Variants in FAM81B observed in about 807,000 individuals in gnomAD.
FAM81B encodes the protein family with sequence similarity 81 member B.
FAM81B carries 60 observed loss-of-function variants against 58.7 expected under a neutral mutation model. That is an observed-to-expected ratio of 1.02 (90% confidence interval 0.83 to 1.27). FAM81B has a LOEUF of 1.27. Ranked by LOEUF, FAM81B falls within the 50% of genes most tolerant of loss-of-function variation. The probability of loss-of-function intolerance (pLI) is 0.00; values close to 1 mark genes in which losing one functional copy is unlikely to be tolerated. For synonymous variants in FAM81B, 189 were observed against 179.6 expected, an observed-to-expected ratio of 1.05 and a Z score of -0.42; for missense variants, 491 against 522.0, an observed-to-expected ratio of 0.94 and a Z score of 0.58.
At chr5:95,440,728 AC>A in intron 7 of FAM81B, 1 of 482,276 alleles carries the variant, frequency 2.1e-6, no homozygotes, top group Non-Finnish European at 3.3e-6. Context: ...ATTTAGTACA[AC>A]TGGGAACCAT....
At position 95,393,478 on chromosome 5, in the gene FAM81B, G is replaced by C. The variant is rs573804884; in HGVS notation, c.228+581G>C. Among the ~76,000 whole-genome samples the C allele has an allele frequency of 2.2e-5, 3 of 133,670 alleles. No homozygotes were observed. The South Asian group carries it at 7.5e-4, about 33-fold the overall frequency. 87.7% of individuals were successfully genotyped at this position (133,670 alleles called of 152,430 possible). ...ACTTTGGAATGATTACTTAACCTCT[G>C]TTTCTTCTTCTGTAAAATGGGTGAA... On this transcript the variant is annotated intron_variant, in intron 2 of 9. Transcript: ENST00000283357.
In FAM81B at chr5:95,440,548, A is replaced by T. The variant is rs1255933659; in HGVS notation, c.893+3642A>T. On this transcript the variant is annotated intron_variant, in intron 7 of 9. Coordinates refer to ENST00000283357, the MANE Select transcript of FAM81B (RefSeq NM_152548.3). Reference sequence around the variant, plus strand: ...TTTGATGCAGGAGATGCAGTTCTTAATGAAGCTGCTCAAATTCTGCAATTA... The same window carrying T: ...TTTGATGCAGGAGATGCAGTTCTTATTGAAGCTGCTCAAATTCTGCAATTA... The T allele has an allele frequency of 1.9e-5, 11 of 569,572 alleles. No homozygotes were observed. In the East Asian group the frequency reaches 4.4e-4, roughly 23 times the overall value. The allele number at this position is 569,572 out of a possible 1,614,324, so 35.3% of individuals were successfully genotyped here. A position where few individuals can be genotyped will look rare whatever the true frequency, so the allele number is the denominator to read the frequency against.
intron 3 of FAM81B, among the ~76,000 whole-genome samples, chr5:95,402,226 T>A (rs1762132858): frequency 1.3e-5 from 2 of 152,228 alleles, no homozygotes; most frequent in Admixed American, 6.5e-5. Context: ...AATTGAGACA[T>A]GCTCATGTGT....
intron 6 of FAM81B, among the ~76,000 whole-genome samples, chr5:95,430,660 A>G (rs1744842944): frequency 1.3e-5 from 2 of 152,250 alleles, no homozygotes; most frequent in Middle Eastern, 6.8e-3. Context: ...GCGTATAGAT[A>G]TATCTGTAGA....
At chr5:95,449,477 C>A (rs1202985007) in intron 9 of FAM81B, among the ~76,000 whole-genome samples, 6 of 152,192 alleles carry the variant, frequency 3.9e-5, no homozygotes, top group Non-Finnish European at 8.8e-5. Context: ...AAGGAATTTA[C>A]CACCTGCAAG....
chr5:95,431,622 T>C (rs1412830135), intron 6 of FAM81B, among the ~76,000 whole-genome samples: 3 of 152,042 alleles, frequency 2.0e-5, no homozygotes, highest in Admixed American at 2.0e-4. Context: ...TTGTCTGAGT[T>C]TGCTTTTAAG....
At chr5:95,444,999 G>A (rs1336553772) in intron 7 of FAM81B, among the ~76,000 whole-genome samples, 1 of 152,012 alleles carries the variant, frequency 6.6e-6, no homozygotes, top group Non-Finnish European at 1.5e-5. Context: ...GTTATCAAAC[G>A]TCCCCCAGGG....
At chr5:95,420,097 TCAAA>T (rs34034016) in intron 4 of FAM81B, among the ~76,000 whole-genome samples, 183 bp from the exon 5 acceptor site, 37,785 of 151,858 alleles carry the variant, frequency 0.25, 5,835 homozygotes, top group African/African-American at 0.44. Context: ...TCACCTAGAA[TCAAA>T]CCACTGCTGC....
chr5:95,424,050 G>C, intron 5 of FAM81B: 1 of 1,289,590 alleles, frequency 7.8e-7, no homozygotes, highest in Non-Finnish European at 1.0e-6. Flanking sequence ...TATCATCTAG[G>C]ACCTCCCTCC....
At chr5:95,391,841 A>G (rs977007599) in intron 1 of FAM81B, among the ~76,000 whole-genome samples, 3 of 152,228 alleles carry the variant, frequency 2.0e-5, no homozygotes, top group African/African-American at 7.2e-5. Context: ...ACCATTAAAA[A>G]GTCAGGAAAC....
chr5:95,430,752 G>A (rs1176190711), intron 6 of FAM81B, among the ~76,000 whole-genome samples: 1 of 152,028 alleles, frequency 6.6e-6, no homozygotes, highest in Non-Finnish European at 1.5e-5. Context: ...GTACATGTGT[G>A]TTGTTTTGAA....
At chr5:95,411,106 A>G (rs1225528844) in intron 3 of FAM81B, among the ~76,000 whole-genome samples, 1 of 152,176 alleles carries the variant, frequency 6.6e-6, no homozygotes, top group Non-Finnish European at 1.5e-5. Context: ...AAAAAATGTG[A>G]CTTGGTATAG....
At chr5:95,410,144 C>G (rs1012511250) in intron 3 of FAM81B, among the ~76,000 whole-genome samples, 1 of 152,202 alleles carries the variant, frequency 6.6e-6, no homozygotes, top group Non-Finnish European at 1.5e-5. Flanking sequence ...ACAAACTCAA[C>G]AGATGCACAC....
chr5:95,423,700 A>G (rs1217989913), intron 5 of FAM81B, among the ~76,000 whole-genome samples: 1 of 152,200 alleles, frequency 6.6e-6, no homozygotes, highest in African/African-American at 2.4e-5. Context: ...CTTACTTGAG[A>G]CAACTCAATG....
At chr5:95,425,174 C>CAAA (rs397948199) in intron 5 of FAM81B, among the ~76,000 whole-genome samples, 31 of 127,256 alleles carry the variant, frequency 2.4e-4, no homozygotes, top group African/African-American at 7.5e-4. Flanking sequence ...ACGAATTCTT[C>CAAA]AAAAAAAAAA....
chr5:95,434,993 G>C (rs1486868358), intron 6 of FAM81B, among the ~76,000 whole-genome samples: 1 of 152,206 alleles, frequency 6.6e-6, no homozygotes, highest in Admixed American at 6.5e-5. Context: ...CTATGACAGA[G>C]GTCTGGTTTC....
At chr5:95,392,698 T>C in intron 1 of FAM81B, 96 bp from the exon 2 acceptor site, 1 of 924,376 alleles carries the variant, frequency 1.1e-6, no homozygotes, top group Non-Finnish European at 1.7e-6. Context: ...CCAAGCTATA[T>C]GTACAGAAAC....
intron 7 of FAM81B, among the ~76,000 whole-genome samples, chr5:95,441,253 T>C (rs1354028070): frequency 1.3e-5 from 2 of 152,066 alleles, no homozygotes; most frequent in Admixed American, 6.6e-5. Flanking sequence ...CCTCAAACTT[T>C]ACATGCGCAT....
At chr5:95,447,330 T>G (rs957972321) in intron 8 of FAM81B, among the ~76,000 whole-genome samples, 9 of 152,178 alleles carry the variant, frequency 5.9e-5, no homozygotes, top group African/African-American at 1.7e-4. Context: ...GTAGAGAGAC[T>G]TTAGGCAGAG....
Sources: allele counts gnomAD v4.1 joint callset (sites outside exome capture counted in the v4.1 genomes callset), GRCh38; gene constraint gnomAD v4.1.1; transcripts MANE v1.5; gene names NCBI Gene and HGNC (gene_info 2026-07-23, HGNC 2026-07-21).